The following ZFP64 variants were observed in gnomAD, a reference collection of about 807,000 sequenced individuals.
ZFP64 encodes zinc finger protein 64.
Under a neutral mutation model 51.6 loss-of-function variants are expected in ZFP64, and 14 were observed. That is an observed-to-expected ratio of 0.27 (90% CI 0.18 to 0.42). ZFP64 has a LOEUF of 0.42. Ranked by LOEUF, ZFP64 falls within the 10% of genes least tolerant of loss-of-function variation. The pLI is 1.00. For synonymous variants in ZFP64, 375 were observed against 361.4 expected, an observed-to-expected ratio of 1.04 and a Z score of -0.43; for missense variants, 754 against 906.8, an observed-to-expected ratio of 0.83 and a Z score of 2.16.
chr20:52,127,531 T>C (rs6091452), intron 5 of ZFP64, among the ~76,000 whole-genome samples: 64,499 of 151,988 alleles, frequency 0.42, 14,651 homozygotes, highest in Admixed American at 0.51. Context: ...TTCCTGCCTC[T>C]TTGTGAAGAA....
intron 2 of ZFP64, among the ~76,000 whole-genome samples, chr20:52,177,478 G>A (rs975746970): frequency 1.3e-5 from 2 of 152,066 alleles, no homozygotes; most frequent in African/African-American, 4.8e-5. Context: ...TCATCAGGGA[G>A]CATTTCCTCC....
chr20:52,175,704 C>A (rs1015104964), intron 2 of ZFP64, among the ~76,000 whole-genome samples: 1 of 152,040 alleles, frequency 6.6e-6, no homozygotes, highest in African/African-American at 2.4e-5. Flanking sequence ...ATTAGCCGGA[C>A]GTGGTGGTGG....
intron 2 of ZFP64, among the ~76,000 whole-genome samples, chr20:52,183,458 C>T (rs931640596): frequency 2.0e-5 from 3 of 152,162 alleles, no homozygotes; most frequent in Admixed American, 6.5e-5. Context: ...AAGACCACTA[C>T]GATAAGGGGC....
At chr20:52,084,977 G>A (rs772628135) in exon 9 of ZFP64, 3 of 1,613,962 alleles carry the variant, frequency 1.9e-6, no homozygotes, top group East Asian at 4.5e-5. Context: ...GGGCGGCCGC[G>A]CTGGAGCAGG....
Position 52,085,351 on chromosome 20 carries a change from C to T in ZFP64, c.1229-85G>A. 4.3e-6 allele frequency: 6 copies of T among 1,406,844 alleles called. No individual in the cohort carries two copies. The highest frequency in any genetic ancestry group is 2.5e-5 in the Admixed American group (1 of 39,820). The allele number at this position is 1,406,844 out of a possible 1,614,324, so 87.1% of individuals were successfully genotyped here. On this transcript the variant is annotated intron_variant, in intron 8 of 8. Transcript: ENST00000361387. This position sits in a 1 kb window ranked among gnomAD's most constrained non-coding sequence, Gnocchi z 4.3. ...AACCTGCCTTAGCACACTTGGCCGC[C>T]ATGAGATGGTTGGGTTTTGTGAACT...
At chr20:52,190,694 C>G (rs1984306208) in intron 1 of ZFP64, among the ~76,000 whole-genome samples, 1 of 152,120 alleles carries the variant, frequency 6.6e-6, no homozygotes, top group Admixed American at 6.5e-5. Context: ...CTGTGCTTTT[C>G]ACAGTAATGC....
At chr20:52,099,168 A>G (rs1015640328) in intron 5 of ZFP64, among the ~76,000 whole-genome samples, 7 of 152,234 alleles carry the variant, frequency 4.6e-5, no homozygotes, top group African/African-American at 1.7e-4. Flanking sequence ...AAATGGCATG[A>G]AGACCTAGTT....
At chr20:52,086,686 G>C (rs1352110716) in intron 8 of ZFP64, among the ~76,000 whole-genome samples, 1 of 152,036 alleles carries the variant, frequency 6.6e-6, no homozygotes, top group Non-Finnish European at 1.5e-5. Flanking sequence ...CACCGTGTTA[G>C]CCAGGATGGT....
chr20:52,101,403 G>C (rs750134135), intron 5 of ZFP64, among the ~76,000 whole-genome samples: 1 of 151,822 alleles, frequency 6.6e-6, no homozygotes, highest in African/African-American at 2.4e-5. Flanking sequence ...ACAAGGTCTC[G>C]CTGTCACCCA....
intron 2 of ZFP64, among the ~76,000 whole-genome samples, chr20:52,176,249 T>A (rs1174547201): frequency 6.6e-6 from 1 of 151,768 alleles, no homozygotes; most frequent in Non-Finnish European, 1.5e-5. Flanking sequence ...ACCCGCCCAA[T>A]CTCTTAAAAA....
At chr20:52,148,705 A>C (rs987506248), downstream of ZFP64, among the ~76,000 whole-genome samples, 1 of 105,632 alleles carries the variant, frequency 9.5e-6, no homozygotes, top group African/African-American at 3.0e-5. Context: ...TCTCAAAACA[A>C]GAAAAAAAAA....
intron 5 of ZFP64, among the ~76,000 whole-genome samples, chr20:52,099,891 T>C (rs1251699820): frequency 1.3e-5 from 2 of 152,268 alleles, no homozygotes; most frequent in Non-Finnish European, 2.9e-5. Flanking sequence ...CAATCTAATA[T>C]GTAGGTTTTA....
At chr20:52,111,090 C>CGGCA (rs1978542788) in intron 5 of ZFP64, 6 of 1,005,798 alleles carry the variant, frequency 6.0e-6, no homozygotes, top group Non-Finnish European at 7.8e-6. Context: ...GAAGGGGAAG[C>CGGCA]GGCAGGGAGA....
At chr20:52,098,602 T>G (rs758969865) in intron 5 of ZFP64, 2 of 1,613,832 alleles carry the variant, frequency 1.2e-6, no homozygotes, top group Non-Finnish European at 1.7e-6. Context: ...AATTGAGGCA[T>G]AGTTTTGCTT....
At chr20:52,107,238 GGT>G (rs1396477632) in intron 5 of ZFP64, among the ~76,000 whole-genome samples, 2 of 152,160 alleles carry the variant, frequency 1.3e-5, no homozygotes, top group African/African-American at 4.8e-5. Context: ...TACTGCTTGA[GGT>G]GTGTACATGT....
At chr20:52,142,396 A>G (rs112022405) in intron 5 of ZFP64, among the ~76,000 whole-genome samples, 27 of 114,240 alleles carry the variant, frequency 2.4e-4, no homozygotes, top group Admixed American at 3.6e-4. Context: ...ACACACACAC[A>G]CACACACACA....
chr20:52,152,280 T>G lies in ZFP64; in HGVS notation c.1912A>C (p.Ile638Leu), dbSNP rs140887206. 3.2e-4 allele frequency: 524 copies of G among 1,614,158 alleles called. 1 individual carries two copies. The African/African-American group carries it at 6.3e-3, about 19-fold the overall frequency. The change falls in exon 6 of 6, where the codon ATC (isoleucine) becomes CTC (leucine). Residue 638 changes from isoleucine (I) to leucine (L), a missense_variant. Physicochemically the swap from Ile to Leu is conservative, Grantham distance 5. Coordinates refer to ENST00000216923, the MANE Select transcript of ZFP64 (RefSeq NM_018197.3). ...GGTGGCGCTGTGGTGGCCACTGCGA[T>G]GTTCTGGCCTCCATCGCTCACCACT... is the stretch of plus-strand genomic sequence containing the variant. Reference protein sequence around the residue: ...VTVVSDGGQNIAVATTAPPVF... With the variant: ...VTVVSDGGQNLAVATTAPPVF...
rs573254651 is a variant in ZFP64 at position 52,136,667 on chromosome 20, T to C, written c.763+23456A>G. Among the ~76,000 whole-genome samples, 3 of 152,286 alleles carry C rather than the reference T, an allele frequency of 2.0e-5. No homozygotes were observed. In the South Asian group the frequency reaches 6.2e-4, roughly 32 times the overall value. On this transcript the variant is annotated intron_variant, in intron 5 of 8. Coordinates refer to the ZFP64 transcript ENST00000361387. ...ATAAGCTAACTAAAAACCAGGCCTA[T>C]CTACCTCATTAAAATAGAAAAACAC... is the stretch of plus-strand genomic sequence containing the variant.
intron 2 of ZFP64, among the ~76,000 whole-genome samples, chr20:52,182,978 C>T (rs964534363): frequency 3.3e-5 from 5 of 151,988 alleles, no homozygotes; most frequent in African/African-American, 7.3e-5. Flanking sequence ...AAGAGTGAGA[C>T]GTGCAGGGAA....
Sources: allele counts gnomAD v4.1 joint callset (sites outside exome capture counted in the v4.1 genomes callset), GRCh38; gene constraint gnomAD v4.1.1; non-coding constraint Gnocchi (gnomAD v3.1); transcripts MANE v1.5; gene names NCBI Gene and HGNC (gene_info 2026-07-23, HGNC 2026-07-21).